Variants in FOXN3 observed in about 807,000 individuals in gnomAD.
FOXN3 encodes the protein forkhead box N3.
FOXN3 carries 7 observed loss-of-function variants against 38.4 expected under a neutral mutation model. That is an observed-to-expected ratio of 0.18 (90% CI 0.10 to 0.34). The LOEUF (loss-of-function observed/expected upper bound fraction) is 0.34, where lower values mean the gene tolerates loss of function less well. Ranked by LOEUF, FOXN3 falls within the 10% of genes least tolerant of loss-of-function variation. FOXN3 has a pLI of 1.00. For synonymous variants in FOXN3, 230 were observed against 242.2 expected (o/e 0.95, Z 0.47); for missense variants, 456 against 613.4 (o/e 0.74, Z 2.71).
At chr14:89,301,335 G>T (rs897278301) in intron 3 of FOXN3, among the ~76,000 whole-genome samples, 5 of 151,660 alleles carry the variant, frequency 3.3e-5, no homozygotes, top group African/African-American at 1.2e-4. Context: ...AATTAGCCAG[G>T]TGTGGTGGCA....
rs542515416 is a variant in FOXN3 at position 89,205,539 on chromosome 14, CA to C, written c.746-24734del. ...CGGCTGGACGTTAAGAGGAGCAGAA[CA>C]ACACATCGACCGACACCAACAGACA... On this transcript the variant is annotated intron_variant, in intron 4 of 5. Transcript: ENST00000557258. 2.1e-4 allele frequency among the ~76,000 whole-genome samples: 32 copies of C among 152,344 alleles called. 1 individual carries two copies. Among genetic ancestry groups the C allele is most frequent in the African/African-American group, 7.2e-4 (30 of 41,594 alleles).
At chr14:89,267,726 T>C (rs1229736963) in intron 4 of FOXN3, among the ~76,000 whole-genome samples, 2 of 152,184 alleles carry the variant, frequency 1.3e-5, no homozygotes, top group African/African-American at 4.8e-5. Context: ...TTGTTCACAA[T>C]GAATCTAAAA....
chr14:89,511,161 C>CTTTCTTTCTTTCTTTCTT (rs1894057005), intron 1 of FOXN3, among the ~76,000 whole-genome samples: 2 of 22,294 alleles, frequency 9.0e-5, no homozygotes, highest in African/African-American at 1.5e-4. Flanking sequence ...TTCTTTCTTT[C>CTTTCTTTCTTTCTTTCTT]TTTCTTTCTT....
At chr14:89,350,845 GA>G (rs1888937926) in intron 2 of FOXN3, 37 bp from the exon 3 acceptor site, 1 of 1,452,862 alleles carries the variant, frequency 6.9e-7, no homozygotes, top group Non-Finnish European at 9.2e-7. Flanking sequence ...CATTAATAGA[GA>G]ATTATTAAGT....
intron 1 of FOXN3, among the ~76,000 whole-genome samples, chr14:89,549,449 G>A (rs894652615): frequency 6.6e-6 from 1 of 152,046 alleles, no homozygotes; most frequent in Non-Finnish European, 1.5e-5. Context: ...AACGACATTC[G>A]AAAACATCCG....
intron 2 of FOXN3, among the ~76,000 whole-genome samples, chr14:89,397,585 G>T (rs1382728092): frequency 6.6e-6 from 1 of 151,990 alleles, no homozygotes; most frequent in African/African-American, 2.4e-5. Flanking sequence ...CCACCTTAGG[G>T]GGAAAGTCTG....
At chr14:89,334,338 G>A (rs1888371914) in intron 3 of FOXN3, among the ~76,000 whole-genome samples, 1 of 152,144 alleles carries the variant, frequency 6.6e-6, no homozygotes, top group Admixed American at 6.5e-5. Context: ...GGCTGGATGT[G>A]GTGGCTCACG....
At chr14:89,529,542 T>G (rs1894510371) in intron 1 of FOXN3, among the ~76,000 whole-genome samples, 1 of 152,230 alleles carries the variant, frequency 6.6e-6, no homozygotes, top group Admixed American at 6.5e-5. Context: ...TTTGCCAGTA[T>G]TAGACACTAC....
chr14:89,548,432 C>T lies in FOXN3; in HGVS notation c.-15+70596G>A, dbSNP rs142214031. ...TGCTAATATAGCAGGGTAACAGAGA[C>T]GGAAAAATCAAAGCGGTAGATAATT... On this transcript the variant is annotated intron_variant, in intron 1 of 6. Transcript: ENST00000345097. The surrounding 1 kb of genome is among the most constrained non-coding windows in gnomAD (Gnocchi z 4.8). Among the ~76,000 whole-genome samples the T allele has an allele frequency of 5.1e-3, 775 of 152,202 alleles. 7 individuals carry two copies. Among genetic ancestry groups the T allele is most frequent in the African/African-American group, 0.017 (726 of 41,522 alleles).
intron 1 of FOXN3, among the ~76,000 whole-genome samples, chr14:89,572,688 G>A (rs1424258352): frequency 1.3e-5 from 2 of 152,230 alleles, no homozygotes; most frequent in African/African-American, 2.4e-5. Flanking sequence ...GATGCAGAGT[G>A]CTGGTTAAAC....
intron 1 of FOXN3, among the ~76,000 whole-genome samples, chr14:89,513,132 A>G (rs1316311971): frequency 7.9e-6 from 1 of 125,816 alleles, no homozygotes; most frequent in East Asian, 2.4e-4. Flanking sequence ...TCGGCAACAG[A>G]GTGAGATTCC....
At chr14:89,374,001 C>T (rs1367030998) in intron 2 of FOXN3, among the ~76,000 whole-genome samples, 1 of 152,028 alleles carries the variant, frequency 6.6e-6, no homozygotes, top group Non-Finnish European at 1.5e-5. Context: ...GGTGGTGGCT[C>T]ATGCCTGTAA....
At chr14:89,360,759 TCCACCACTA>T (rs1889489409) in intron 2 of FOXN3, among the ~76,000 whole-genome samples, 2 of 38,918 alleles carry the variant, frequency 5.1e-5, no homozygotes, top group African/African-American at 1.7e-4. Flanking sequence ...CACCACCACC[TCCACCACTA>T]CCACCTCCAC....
chr14:89,250,380 G>A (rs1473850065), intron 4 of FOXN3, among the ~76,000 whole-genome samples: 1 of 152,276 alleles, frequency 6.6e-6, no homozygotes. Context: ...CCAAGTGTTG[G>A]GATTACAGGC....
intron 3 of FOXN3, among the ~76,000 whole-genome samples, chr14:89,288,716 CTCTCTCTCTATATATATATA>C (rs1886748762): frequency 6.8e-4 from 35 of 51,734 alleles, no homozygotes; most frequent in African/African-American, 1.7e-3. Context: ...CTCTCTCTCT[CTCTCTCTCTATATATATATA>C]TATATATATA....
At chr14:89,536,693 G>A (rs904953585) in intron 1 of FOXN3, among the ~76,000 whole-genome samples, 6 of 152,054 alleles carry the variant, frequency 3.9e-5, no homozygotes, top group South Asian at 2.1e-4. Flanking sequence ...CAGGAGAATC[G>A]CTTGAACCTG....
At chr14:89,244,471 T>C (rs6575051) in intron 4 of FOXN3, among the ~76,000 whole-genome samples, 7,089 of 152,214 alleles carry the variant, frequency 0.047, 504 homozygotes, top group African/African-American at 0.16. Context: ...GTGTGAAGAG[T>C]ATGAAAAGGC....
chr14:89,286,974 G>A (rs1302859958), intron 3 of FOXN3, among the ~76,000 whole-genome samples: 1 of 152,098 alleles, frequency 6.6e-6, no homozygotes, highest in Non-Finnish European at 1.5e-5. Context: ...AGGGTGAAGT[G>A]GAGAGACCGT....
chr14:89,415,847 T>TACACACACAC (rs5810462), intron 1 of FOXN3, among the ~76,000 whole-genome samples: 2,336 of 140,476 alleles, frequency 0.017, 62 homozygotes, highest in African/African-American at 0.044. Flanking sequence ...AACTTTTCTC[T>TACACACACAC]ACACACACAC....
Sources: allele counts gnomAD v4.1 joint callset (sites outside exome capture counted in the v4.1 genomes callset), GRCh38; gene constraint gnomAD v4.1.1; non-coding constraint Gnocchi (gnomAD v3.1); transcripts MANE v1.5; gene names NCBI Gene and HGNC (gene_info 2026-07-23, HGNC 2026-07-21).